The following CCDC171 variants were observed in gnomAD, a reference collection of about 807,000 sequenced individuals.
The protein encoded by CCDC171 is coiled-coil domain-containing protein 171.
CCDC171 carries 177 observed loss-of-function variants against 168.2 expected under a neutral mutation model. That is an observed-to-expected ratio of 1.05 (90% CI 0.93 to 1.19). CCDC171 has a LOEUF of 1.19. CCDC171 is among the 50% of genes most tolerant of loss of function. The pLI is 0.00. For synonymous variants in CCDC171, 687 were observed against 540.8 expected (o/e 1.27, Z -3.75); for missense variants, 1,991 against 1,539.0 (o/e 1.29, Z -4.91).
At chr9:15,623,473 G>T in intron 7 of CCDC171, 60 bp downstream of exon 7, 1 of 464,174 alleles carries the variant, frequency 2.2e-6, no homozygotes, top group South Asian at 2.3e-5. Flanking sequence ...ATGCGCGCGC[G>T]CGCACACACA....
intron 21 of CCDC171, among the ~76,000 whole-genome samples, chr9:15,832,492 C>T (rs992606113): frequency 6.6e-6 from 1 of 152,136 alleles, no homozygotes; most frequent in African/African-American, 2.4e-5. Context: ...CAAACCTGTA[C>T]AGAATGTTAC....
At chr9:15,845,873 A>G (rs757884819) in intron 21 of CCDC171, among the ~76,000 whole-genome samples, 1 of 152,086 alleles carries the variant, frequency 6.6e-6, no homozygotes, top group African/African-American at 2.4e-5. Flanking sequence ...TCTAGAAAAT[A>G]CTTCTCTCAA....
intron 22 of CCDC171, among the ~76,000 whole-genome samples, 173 bp from the exon 23 acceptor site, chr9:15,848,717 AAGG>A (rs2130780797): frequency 6.6e-6 from 1 of 151,898 alleles, no homozygotes; most frequent in African/African-American, 2.4e-5. Context: ...ATAGTTTTAA[AAGG>A]AGAACAATGA....
chr9:16,086,911 A>G, the CCDC171 span, among the ~76,000 whole-genome samples: 1 of 152,184 alleles, frequency 6.6e-6, no homozygotes, highest in African/African-American at 2.4e-5. Context: ...GCTGTGTCAC[A>G]GAGATTCTGG....
intron 3 of CCDC171, among the ~76,000 whole-genome samples, chr9:15,991,181 G>C (rs962407017): frequency 3.9e-5 from 6 of 152,128 alleles, no homozygotes; most frequent in African/African-American, 1.4e-4. Context: ...TGGACGTAAA[G>C]CACTCCACAG....
downstream of CCDC171, among the ~76,000 whole-genome samples, chr9:15,978,919 T>C (rs997228581): frequency 1.7e-4 from 26 of 152,312 alleles, no homozygotes; most frequent in African/African-American, 6.0e-4. Flanking sequence ...TATCCCCTGG[T>C]GACCATAATC....
At chr9:15,981,243 G>T (rs891062815) in intron 3 of CCDC171, among the ~76,000 whole-genome samples, 1 of 152,044 alleles carries the variant, frequency 6.6e-6, no homozygotes. Flanking sequence ...ATTAGAAGAG[G>T]TCATGAGAGT....
chr9:15,699,242 C>T (rs1187139180), intron 11 of CCDC171, among the ~76,000 whole-genome samples: 3 of 151,820 alleles, frequency 2.0e-5, no homozygotes, highest in Non-Finnish European at 4.4e-5. Context: ...TAAGGTGGCG[C>T]GTCTGGAGTT....
rs190446564 is a variant in CCDC171, at chr9:15,813,370, C to T, written c.3267+28676C>T. On this transcript the variant is annotated intron_variant, in intron 21 of 25. Transcript: ENST00000380701. ...CTTGCAATCACCATTTAGGTGACAA[C>T]TAAACACCAGTCAGGACCATCTATT... 1.8e-3 allele frequency among the ~76,000 whole-genome samples: 269 copies of T among 152,334 alleles called. 2 individuals are homozygous for T. Among genetic ancestry groups the T allele is most frequent in the African/African-American group, 5.7e-3 (236 of 41,576 alleles).
rs35511600 is a variant in CCDC171, at chr9:15,962,746, CT to C, written c.3754-8855del. ...GAAAGAAAAATTTAACCTTTCAAAC[CT>C]TTTTTTTCTACCCAAACTCTAATTC... is the stretch of plus-strand genomic sequence containing the variant. On this transcript the variant is annotated intron_variant, in intron 25 of 25. Transcript: ENST00000380701. 6.9e-3 allele frequency among the ~76,000 whole-genome samples: 1,052 copies of C among 151,564 alleles called. 12 individuals carry two copies. Among genetic ancestry groups the C allele is most frequent in the African/African-American group, 0.024 (996 of 41,366 alleles).
intron 25 of CCDC171, among the ~76,000 whole-genome samples, chr9:15,943,819 T>G (rs1395697950): frequency 6.6e-6 from 1 of 152,016 alleles, no homozygotes; most frequent in Non-Finnish European, 1.5e-5. Context: ...TGAGTCAGGA[T>G]AGACTCCTGT....
chr9:15,913,360 G>T (rs567001575), intron 24 of CCDC171, among the ~76,000 whole-genome samples: 2 of 152,236 alleles, frequency 1.3e-5, no homozygotes, highest in Admixed American at 1.3e-4. Context: ...TATTTCTGTG[G>T]GAGCAGTGGT....
intron 8 of CCDC171, among the ~76,000 whole-genome samples, chr9:15,657,541 A>G (rs766116975): frequency 6.6e-6 from 1 of 152,174 alleles, no homozygotes; most frequent in Non-Finnish European, 1.5e-5. Context: ...AAATTTGCAG[A>G]TTGGAGTGTT....
At chr9:15,699,311 T>A (rs947562979) in intron 11 of CCDC171, among the ~76,000 whole-genome samples, 10 of 152,196 alleles carry the variant, frequency 6.6e-5, no homozygotes, top group Admixed American at 5.9e-4. Flanking sequence ...CTGCAGACCT[T>A]CGCGGTGAGT....
At chr9:16,045,093 T>G (rs765784029) in intron 1 of CCDC171, among the ~76,000 whole-genome samples, 20 of 152,210 alleles carry the variant, frequency 1.3e-4, no homozygotes, top group Non-Finnish European at 2.6e-4. Context: ...GGAGAGTGCT[T>G]CTTCTAGTGG....
chr9:15,898,453 C>G (rs999065842), intron 24 of CCDC171, among the ~76,000 whole-genome samples: 3 of 152,138 alleles, frequency 2.0e-5, no homozygotes, highest in African/African-American at 7.2e-5. Flanking sequence ...CTGATAATCT[C>G]TCATGTTGAG....
rs191446270 is a variant in CCDC171, at chr9:15,637,977, A to G, written c.822+14564A>G. On this transcript the variant is annotated intron_variant, in intron 7 of 25. Transcript: ENST00000380701. ...CAGCATGATTTATAGTCCTTTGGGT[A>G]TATACCCAGTAATGGGATGGCTGGG... Among the ~76,000 whole-genome samples, 942 of 152,276 alleles carry G rather than the reference A, an allele frequency of 6.2e-3. 8 individuals carry two copies. Among genetic ancestry groups the G allele is most frequent in the African/African-American group, 0.022 (916 of 41,548 alleles).
At chr9:15,593,022 A>C (rs1405917425) in intron 5 of CCDC171, among the ~76,000 whole-genome samples, 4 of 148,236 alleles carry the variant, frequency 2.7e-5, no homozygotes, top group South Asian at 2.2e-4. Flanking sequence ...ATCCCTCCCC[A>C]CTCCCCCACC....
At chr9:15,582,801 A>C (rs2041237953) in intron 4 of CCDC171, among the ~76,000 whole-genome samples, 1 of 151,858 alleles carries the variant, frequency 6.6e-6, no homozygotes. Context: ...GGGCTGGGGG[A>C]GGGATAGCAT....
Sources: gnomAD v4.1 joint callset for allele counts (sites outside exome capture counted in the v4.1 genomes callset) on GRCh38, gnomAD v4.1.1 for gene constraint, MANE v1.5 for transcripts, NCBI Gene and HGNC (gene_info 2026-07-23, HGNC 2026-07-21) for gene names.